Variants in SP140L observed in about 807,000 individuals in gnomAD.
The protein encoded by SP140L is SP140 like nuclear body protein.
In SP140L, 64 loss-of-function variants were observed where a neutral mutation model predicts 84.3. That is an observed-to-expected ratio of 0.76 (90% CI 0.62 to 0.94). The LOEUF is 0.94. SP140L is among the 40% of genes least tolerant of loss of function. The pLI is 0.00. For missense variants in SP140L, 628 were observed against 692.5 expected (o/e 0.91, Z 1.05); for synonymous variants, 242 against 236.9 (o/e 1.02, Z -0.20).
intron 5 of SP140L, 48 bp from the exon 6 acceptor site, chr2:230,370,860 G>T: frequency 6.3e-7 from 1 of 1,588,818 alleles, no homozygotes; most frequent in South Asian, 1.1e-5. Context: ...GGAGCAGAGC[G>T]ACCAGCATGT....
intron 5 of SP140L, among the ~76,000 whole-genome samples, chr2:230,368,328 A>T (rs2060950555): frequency 6.6e-6 from 1 of 152,146 alleles, no homozygotes; most frequent in Non-Finnish European, 1.5e-5. Context: ...TTTTTGCCAA[A>T]AAAGTTCATT....
At chr2:230,341,284 C>T (rs1420693772) in intron 2 of SP140L, among the ~76,000 whole-genome samples, 64 of 144,172 alleles carry the variant, frequency 4.4e-4, no homozygotes, top group Admixed American at 9.1e-4. Flanking sequence ...TTGATCGCAT[C>T]GGCTCCTGAG....
chr2:230,336,661 T>G (rs2149682912), intron 2 of SP140L, among the ~76,000 whole-genome samples: 1 of 152,358 alleles, frequency 6.6e-6, no homozygotes, highest in East Asian at 1.9e-4. Flanking sequence ...AATCTTTAAC[T>G]TGATTTAATT....
intron 1 of SP140L, among the ~76,000 whole-genome samples, chr2:230,328,111 G>A (rs2059631274): frequency 6.6e-6 from 1 of 152,142 alleles, no homozygotes; most frequent in Non-Finnish European, 1.5e-5. Flanking sequence ...AGGCTGGAGT[G>A]CAGTGGCACA....
chr2:230,378,234 C>G (rs2061310220), intron 7 of SP140L, among the ~76,000 whole-genome samples: 1 of 135,998 alleles, frequency 7.4e-6, no homozygotes, highest in Admixed American at 7.3e-5. Flanking sequence ...ATCCTGAAAT[C>G]AGGTAGTGTA....
chr2:230,398,823 G>C (rs1351445568), intron 14 of SP140L, among the ~76,000 whole-genome samples: 1 of 152,238 alleles, frequency 6.6e-6, no homozygotes. Flanking sequence ...GCCAGTGGCT[G>C]TGGAGGGTGG....
intron 7 of SP140L, among the ~76,000 whole-genome samples, chr2:230,381,897 C>T (rs532875781): frequency 9.8e-5 from 15 of 152,322 alleles, no homozygotes; most frequent in African/African-American, 3.6e-4. Context: ...CCAGAGCACA[C>T]AAGGTGTTCG....
At chr2:230,353,223 AAC>A (rs2060418282) in intron 2 of SP140L, among the ~76,000 whole-genome samples, 4 of 151,994 alleles carry the variant, frequency 2.6e-5, no homozygotes, top group Non-Finnish European at 5.9e-5. Flanking sequence ...TCTTTAACCC[AAC>A]ACAGTGTGTT....
At chr2:230,343,138 G>GAAC (rs1351908766) in intron 2 of SP140L, among the ~76,000 whole-genome samples, 2 of 117,888 alleles carry the variant, frequency 1.7e-5, no homozygotes, top group Admixed American at 8.5e-5. Context: ...GTGCAGGTTT[G>GAAC]TTACATAGGT....
At chr2:230,374,647 C>CA (rs1328896781) in intron 7 of SP140L, among the ~76,000 whole-genome samples, 2 of 152,084 alleles carry the variant, frequency 1.3e-5, no homozygotes, top group African/African-American at 4.8e-5. Context: ...TTGTCACAGC[C>CA]ACCTCAACAT....
chr2:230,394,754 A>G (rs911724242), intron 13 of SP140L, among the ~76,000 whole-genome samples: 1 of 152,128 alleles, frequency 6.6e-6, no homozygotes, highest in Non-Finnish European at 1.5e-5. Flanking sequence ...CAGATCCAGG[A>G]TCCATTATGA....
intron 2 of SP140L, 76 bp from the exon 3 acceptor site, chr2:230,357,729 T>C (rs2060590888): frequency 2.8e-6 from 4 of 1,434,982 alleles, no homozygotes; most frequent in Non-Finnish European, 3.8e-6. Flanking sequence ...TTATCCGTTA[T>C]ACATAAAATC....
intron 5 of SP140L, among the ~76,000 whole-genome samples, chr2:230,369,296 A>C (rs573898229): frequency 6.6e-6 from 1 of 152,220 alleles, no homozygotes; most frequent in Non-Finnish European, 1.5e-5. Flanking sequence ...CCTGAAGACC[A>C]GTGCATGAGA....
At chr2:230,334,094 A>G (rs925670100) in intron 2 of SP140L, among the ~76,000 whole-genome samples, 6 of 152,194 alleles carry the variant, frequency 3.9e-5, no homozygotes, top group Non-Finnish European at 1.5e-5. Context: ...AGAACGAGAC[A>G]CTAGAAATCT....
At chr2:230,378,602 G>A (rs2061319914) in intron 7 of SP140L, among the ~76,000 whole-genome samples, 1 of 152,144 alleles carries the variant, frequency 6.6e-6, no homozygotes, top group Admixed American at 6.5e-5. Flanking sequence ...CAGTCTTGGA[G>A]GTATTCTTTT....
At chr2:230,341,848 T>G in intron 2 of SP140L, among the ~76,000 whole-genome samples, 1 of 152,004 alleles carries the variant, frequency 6.6e-6, no homozygotes, top group African/African-American at 2.4e-5. Flanking sequence ...AGTCTGCCCG[T>G]TCTCAGATCT....
Position 230,400,348 on chromosome 2 carries a change from G to A in SP140L, c.1313+106G>A, listed in dbSNP as rs575149575. 19 of 1,127,004 alleles carry A rather than the reference G, an allele frequency of 1.7e-5. No individual in the cohort carries two copies. In the African/African-American group the frequency reaches 2.3e-4, roughly 14 times the overall value. The allele number at this position is 1,127,004 out of a possible 1,614,324, so 69.8% of individuals were successfully genotyped here. ...CTTGTGTCTAGATGGGGAAGGAGCA[G>A]GTTCATCGGGTACTGGGACCCAGCA... On this transcript the variant is annotated intron_variant, in intron 15 of 18. Coordinates refer to ENST00000415673, the MANE Select transcript of SP140L (RefSeq NM_138402.6).
chr2:230,331,279 C>T (rs1008159245), intron 2 of SP140L, among the ~76,000 whole-genome samples: 2 of 152,048 alleles, frequency 1.3e-5, no homozygotes, highest in South Asian at 2.1e-4. Context: ...TATTTTTAAT[C>T]TCTTATTATG....
rs754469522 is a variant in SP140L at position 230,357,980 on chromosome 2, T to G, written c.270+13T>G. 6.2e-7 allele frequency: 1 copy of G among 1,612,374 alleles called. No homozygotes were observed. Among genetic ancestry groups the G allele is most frequent in the Non-Finnish European group, 8.5e-7 (1 of 1,179,264 alleles). ...TAAAATGTTTGAAGTAAGTAAAGTT[T>G]ATTTCACAACCTGGCAGATATGCTT... is the stretch of plus-strand genomic sequence containing the variant. On this transcript the variant is annotated intron_variant, in intron 3 of 18. Transcript: ENST00000415673.
Sources: gnomAD v4.1 joint callset for allele counts (sites outside exome capture counted in the v4.1 genomes callset) on GRCh38, gnomAD v4.1.1 for gene constraint, MANE v1.5 for transcripts, NCBI Gene and HGNC (gene_info 2026-07-23, HGNC 2026-07-21) for gene names.